The following APPBP2 variants were observed in gnomAD, a reference collection of about 807,000 sequenced individuals.
APPBP2 encodes amyloid beta precursor protein binding protein 2.
Under a neutral mutation model 76.0 loss-of-function variants are expected in APPBP2, and 15 were observed. The observed-to-expected ratio is 0.20, with a 90% CI of 0.13 to 0.30. The LOEUF is 0.30. APPBP2 is among the 10% of genes least tolerant of loss of function. APPBP2 has a pLI of 1.00. For synonymous variants in APPBP2, 222 were observed against 242.2 expected (o/e 0.92, Z 0.77); for missense variants, 401 against 687.2 (o/e 0.58, Z 4.66).
chr17:60,458,798 CG>C (rs967749364), intron 9 of APPBP2, among the ~76,000 whole-genome samples: 12 of 146,342 alleles, frequency 8.2e-5, no homozygotes, highest in African/African-American at 3.1e-4. Flanking sequence ...TTTTTTGAGA[CG>C]GAGTCTCGTT....
At chr17:60,513,949 C>T (rs965112032) in intron 1 of APPBP2, among the ~76,000 whole-genome samples, 1 of 151,010 alleles carries the variant, frequency 6.6e-6, no homozygotes. Context: ...GTTGTGTTCC[C>T]CTATATTCTT....
intron 1 of APPBP2, among the ~76,000 whole-genome samples, chr17:60,515,601 C>T (rs1392158193): frequency 6.6e-6 from 1 of 152,196 alleles, no homozygotes; most frequent in African/African-American, 2.4e-5. Context: ...CCAAGAATAG[C>T]GTCTCCTAAC....
Position 60,456,517 on chromosome 17 carries a change from G to A in APPBP2, c.1062-136C>T, listed in dbSNP as rs142202733. 7.7e-4 allele frequency: 492 copies of A among 635,534 alleles called. 2 individuals carry two copies. The African/African-American group carries it at 8.2e-3, about 11-fold the overall frequency. 39.4% of individuals were successfully genotyped at this position (635,534 alleles called of 1,614,324 possible). On this transcript the variant is annotated intron_variant, in intron 9 of 12. Transcript: ENST00000083182. ...ATCTGTGGTAAAGATCCAGCTTTTT[G>A]TTTTAAATTTCCAATCTGTTGTAGA... is the stretch of plus-strand genomic sequence containing the variant.
chr17:60,505,616 A>G (rs1363838803), intron 1 of APPBP2, among the ~76,000 whole-genome samples: 1 of 144,320 alleles, frequency 6.9e-6, no homozygotes, highest in Non-Finnish European at 1.5e-5. Flanking sequence ...CGCCTGGCCC[A>G]TAATCCAAAA....
chr17:60,448,317 G>A (rs2090366231), intron 12 of APPBP2, among the ~76,000 whole-genome samples: 1 of 152,130 alleles, frequency 6.6e-6, no homozygotes, highest in East Asian at 1.9e-4. Flanking sequence ...ACAAAAATTA[G>A]CTGGGCGTGG....
intron 1 of APPBP2, among the ~76,000 whole-genome samples, chr17:60,507,001 A>C (rs1221834737): frequency 6.6e-6 from 1 of 152,082 alleles, no homozygotes; most frequent in Non-Finnish European, 1.5e-5. Context: ...ACGCCACTGC[A>C]CTCCAGCCTG....
At chr17:60,507,671 T>C (rs2090879378) in intron 1 of APPBP2, among the ~76,000 whole-genome samples, 1 of 152,258 alleles carries the variant, frequency 6.6e-6, no homozygotes, top group African/African-American at 2.4e-5. Context: ...ATTGTTATTA[T>C]ATTACATCCT....
intron 5 of APPBP2, 113 bp from the exon 6 acceptor site, chr17:60,464,223 A>G (rs1248977139): frequency 1.4e-6 from 1 of 701,508 alleles, no homozygotes; most frequent in Non-Finnish European, 2.5e-6. Context: ...CACACACAAA[A>G]TATTTACAGT....
chr17:60,518,503 C>CGTGTGTGTGTGTGTGTGTGTGTGTGTGT lies in APPBP2; in HGVS notation c.138+7290_138+7291insACACACACACACACACACACACACACAC, dbSNP rs146968316. Among the ~76,000 whole-genome samples, 44 of 134,196 alleles carry CGTGTGTGTGTGTGTGTGTGTGTGTGTGT rather than the reference C, an allele frequency of 3.3e-4. 1 individual carries two copies. Among genetic ancestry groups the CGTGTGTGTGTGTGTGTGTGTGTGTGTGT allele is most frequent in the African/African-American group, 1.4e-3 (44 of 31,528 alleles). The allele number at this position is 134,196 out of a possible 152,430, so 88.0% of individuals were successfully genotyped here. A position where few individuals can be genotyped will look rare whatever the true frequency, so the allele number is the denominator to read the frequency against. ...ACAGGCATGAGCTACCATGCCCAGC[C>CGTGTGTGTGTGTGTGTGTGTGTGTGTGT]GTGTGTGTGTGTGTGTGTGTGTGTG... is the stretch of plus-strand genomic sequence containing the variant. On this transcript the variant is annotated intron_variant, in intron 1 of 12. Coordinates refer to ENST00000083182, the MANE Select transcript of APPBP2 (RefSeq NM_006380.5).
At chr17:60,465,085 A>C (rs2090501261) in intron 5 of APPBP2, 2 of 152,230 alleles carry the variant, frequency 1.3e-5, no homozygotes, top group African/African-American at 4.8e-5. Context: ...TCTTTCCACA[A>C]TTAAAATATG....
chr17:60,458,444 AAC>A (rs2090448409), intron 9 of APPBP2, among the ~76,000 whole-genome samples: 1 of 151,516 alleles, frequency 6.6e-6, no homozygotes, highest in African/African-American at 2.4e-5. Context: ...TCAAAAAAAA[AAC>A]AAAACAAAAA....
At chr17:60,450,043 T>A (rs913561583) in intron 12 of APPBP2, among the ~76,000 whole-genome samples, 3 of 151,756 alleles carry the variant, frequency 2.0e-5, no homozygotes, top group African/African-American at 2.4e-5. Flanking sequence ...GTGATCCACC[T>A]GCCTCGGCCT....
rs1197073596 is a variant in APPBP2 at position 60,443,604 on chromosome 17, A to G, written c.*3977T>C. On this transcript the variant is annotated 3_prime_UTR_variant, in exon 13 of 13. Transcript: ENST00000083182. ...AGTTACCATGGCAAAATATCTTCCC[A>G]TAAAAGGAATATACAGAAATGAGTA... 1 of 152,676 alleles carries G rather than the reference A, an allele frequency of 6.5e-6. No homozygotes were observed. The highest frequency in any genetic ancestry group is 1.5e-5 in the Non-Finnish European group (1 of 68,040). The allele number at this position is 152,676 out of a possible 1,614,324, so 9.5% of individuals were successfully genotyped here.
chr17:60,483,604 A>G (rs2090648864), intron 3 of APPBP2, among the ~76,000 whole-genome samples: 1 of 152,278 alleles, frequency 6.6e-6, no homozygotes, highest in South Asian at 2.1e-4. Flanking sequence ...CATGTTAGCC[A>G]GGATGGTCTC....
intron 9 of APPBP2, among the ~76,000 whole-genome samples, chr17:60,457,713 G>A (rs2090441884): frequency 6.6e-6 from 1 of 152,122 alleles, no homozygotes; most frequent in Non-Finnish European, 1.5e-5. Flanking sequence ...TACAGGCGTG[G>A]GCCACCACGC....
rs201052278 is a variant in APPBP2 at position 60,444,129 on chromosome 17, G to GA, written c.*3451dup. ...GGGCAACAAGAGCGAAACTCCGTCTGAAAAAAAAAAAAAAAATTTCCTGGC... is the reference window on the plus strand; with the variant it reads ...GGGCAACAAGAGCGAAACTCCGTCTGAAAAAAAAAAAAAAAAATTTCCTGGC... On this transcript the variant is annotated 3_prime_UTR_variant, in exon 13 of 13. Transcript: ENST00000083182. 0.19 allele frequency: 24,766 copies of GA among 129,522 alleles called. 7,287 individuals are homozygous for GA. Among genetic ancestry groups the GA allele is most frequent in the African/African-American group, 0.63 (22,733 of 35,966 alleles). The allele number at this position is 129,522 out of a possible 1,614,324, so 8.0% of individuals were successfully genotyped here. A position where few individuals can be genotyped will look rare whatever the true frequency, so the allele number is the denominator to read the frequency against.
intron 6 of APPBP2, among the ~76,000 whole-genome samples, chr17:60,463,641 T>G (rs570474482): frequency 6.6e-6 from 1 of 152,318 alleles, no homozygotes; most frequent in East Asian, 1.9e-4. Context: ...AGGCTATCTT[T>G]AGCAGAAAAG....
intron 3 of APPBP2, among the ~76,000 whole-genome samples, chr17:60,486,229 T>C (rs542827732): frequency 4.6e-5 from 7 of 152,248 alleles, no homozygotes; most frequent in Non-Finnish European, 7.3e-5. Flanking sequence ...GGTGCAGAAC[T>C]GAGTTCAAAT....
chr17:60,463,603 C>T (rs2090490782), intron 6 of APPBP2, among the ~76,000 whole-genome samples: 1 of 152,172 alleles, frequency 6.6e-6, no homozygotes, highest in African/African-American at 2.4e-5. Context: ...TGTGAGACTG[C>T]AATACTATGA....
Sources: gnomAD v4.1 joint callset for allele counts (sites outside exome capture counted in the v4.1 genomes callset) on GRCh38, gnomAD v4.1.1 for gene constraint, MANE v1.5 for transcripts, NCBI Gene and HGNC (gene_info 2026-07-23, HGNC 2026-07-21) for gene names.